Variants in FAM120A observed in about 807,000 individuals in gnomAD.
FAM120A encodes the protein family with sequence similarity 120 member A.
Under a neutral mutation model 109.7 loss-of-function variants are expected in FAM120A, and 15 were observed. The ratio of observed to expected loss-of-function variants is 0.14; its 90% CI spans 0.09 to 0.21. FAM120A has a LOEUF of 0.21. FAM120A is among the 10% of genes least tolerant of loss of function. The pLI is 1.00. For synonymous variants in FAM120A, 493 were observed against 572.8 expected (o/e 0.86, Z 1.99); for missense variants, 899 against 1,439.3 (o/e 0.62, Z 6.07).
At chr9:93,529,249 T>G in intron 8 of FAM120A, 104 bp from the exon 9 acceptor site, 1 of 1,030,370 alleles carries the variant, frequency 9.7e-7, no homozygotes, top group Non-Finnish European at 1.4e-6. Flanking sequence ...GGACTCATCT[T>G]TGTCCCCTCC....
intron 1 of FAM120A, among the ~76,000 whole-genome samples, chr9:93,465,068 G>A (rs1315147377): frequency 6.6e-6 from 1 of 152,158 alleles, no homozygotes; most frequent in African/African-American, 2.4e-5. Flanking sequence ...ACAGGAAGGA[G>A]CTTCAGAAGA....
chr9:93,545,250 G>T (rs182454940), intron 11 of FAM120A, among the ~76,000 whole-genome samples: 1 of 152,162 alleles, frequency 6.6e-6, no homozygotes, highest in Non-Finnish European at 1.5e-5. Flanking sequence ...GAACTTTGCC[G>T]CCCTGGCCCT....
At position 93,527,163 on chromosome 9, in the gene FAM120A, G is replaced by C. The variant is rs1861119163; in HGVS notation, c.1427G>C (p.Ser476Thr). Reference protein sequence around the residue: ...EGSGGATNHISGNKIGWEKTG... With the variant: ...EGSGGATNHITGNKIGWEKTG... ...GTTCATTTTATGTTTAGCCATATCA[G>C]CGGGAACAAGATTGGCTGGGAGAAG... Residue 476 changes from serine to threonine, a missense_variant, in exon 8 of 18, where the codon AGC becomes ACC. By Grantham distance (58) the Ser-to-Thr change is moderately conservative. Transcript: ENST00000277165. 2 of 1,613,998 alleles carry C rather than the reference G, an allele frequency of 1.2e-6. No homozygotes were observed. The highest frequency in any genetic ancestry group is 4.5e-5 in the East Asian group (2 of 44,890).
chr9:93,481,858 C>CA (rs1858825027), intron 3 of FAM120A, among the ~76,000 whole-genome samples: 1 of 152,144 alleles, frequency 6.6e-6, no homozygotes, highest in Non-Finnish European at 1.5e-5. Context: ...TTTCTGACCC[C>CA]ATCAGCTGGT....
chr9:93,508,818 G>T (rs1002792485), intron 5 of FAM120A, among the ~76,000 whole-genome samples: 1 of 152,160 alleles, frequency 6.6e-6, no homozygotes, highest in Non-Finnish European at 1.5e-5. Flanking sequence ...TCCCAGTGTC[G>T]CATTGCTCAA....
At position 93,529,593 on chromosome 9, in the gene FAM120A, G is replaced by A. The variant is rs780598504; in HGVS notation, c.1734+13G>A. On this transcript the variant is annotated intron_variant, in intron 9 of 17. Coordinates refer to ENST00000277165, the MANE Select transcript of FAM120A (RefSeq NM_014612.5). ...TGTCCTGACGAAGGTATTATCAAAG[G>A]GGCCCTGGAGTGGCTTCTGTTATTT... 11 of 1,612,262 alleles carry A rather than the reference G, an allele frequency of 6.8e-6. No individual in the cohort carries two copies. The highest frequency in any genetic ancestry group is 9.3e-6 in the Non-Finnish European group (11 of 1,178,286).
At chr9:93,472,714 T>C (rs1190675533) in intron 2 of FAM120A, among the ~76,000 whole-genome samples, 3 of 152,244 alleles carry the variant, frequency 2.0e-5, no homozygotes, top group African/African-American at 4.8e-5. Context: ...CAACTAGAAA[T>C]TGTAAGGAGT....
At chr9:93,466,570 A>C (rs545181231) in intron 1 of FAM120A, among the ~76,000 whole-genome samples, 1 of 151,882 alleles carries the variant, frequency 6.6e-6, no homozygotes, top group African/African-American at 2.4e-5. Context: ...GGTGCCTGGA[A>C]ACCTTGGTCT....
intron 13 of FAM120A, 45 bp downstream of exon 13, chr9:93,556,636 A>C: frequency 6.5e-7 from 1 of 1,535,750 alleles, no homozygotes; most frequent in East Asian, 2.2e-5. Flanking sequence ...CAATGAAATA[A>C]AGCTCACTGG....
chr9:93,537,094 C>T (rs1485823776), intron 10 of FAM120A, among the ~76,000 whole-genome samples: 3 of 152,180 alleles, frequency 2.0e-5, no homozygotes, highest in Non-Finnish European at 4.4e-5. Flanking sequence ...GAGATGAGTC[C>T]GGGGTCTGAC....
Position 93,471,357 on chromosome 9 carries a change from A to G in FAM120A, c.691A>G (p.Asn231Asp), listed in dbSNP as rs1427900654. The G allele has an allele frequency of 6.2e-7, 1 of 1,614,212 alleles. No individual in the cohort carries two copies. The highest frequency in any genetic ancestry group is 8.5e-7 in the Non-Finnish European group (1 of 1,180,030). ...TGCCAAGCAACTGGACCTGAATCCA[A>G]ATCGTTTTCCTATTTTTGCTGCTCT... Reference protein sequence around the residue: ...EVAKQLDLNPNRFPIFAALLG... With the variant: ...EVAKQLDLNPDRFPIFAALLG... Residue 231 changes from asparagine (N) to aspartate (D), a missense_variant, in exon 2 of 18, where the codon AAT becomes GAT. This residue lies in a region of FAM120A where 258 missense variants were observed against 451.4 expected (regional missense o/e 0.57). Transcript: ENST00000277165.
Position 93,532,372 on chromosome 9 carries a change from C to G in FAM120A, c.1909+43C>G. On this transcript the variant is annotated intron_variant, in intron 10 of 17. Transcript: ENST00000277165. The surrounding 1 kb of genome is among the most constrained non-coding windows in gnomAD (Gnocchi z 4.3). ...CCATTGTTTGTTTTCCTCGGTACCT[C>G]GTAATCTCTTGTGCATTTTCTAAAG... 6.3e-7 allele frequency: 1 copy of G among 1,597,958 alleles called. No homozygotes were observed. Among genetic ancestry groups the G allele is most frequent in the Middle Eastern group, 1.7e-4 (1 of 6,028 alleles).
intron 7 of FAM120A, among the ~76,000 whole-genome samples, chr9:93,525,230 A>G (rs936474960): frequency 6.6e-6 from 1 of 152,132 alleles, no homozygotes; most frequent in Non-Finnish European, 1.5e-5. Context: ...GAACAACACT[A>G]AGGCTTGCAA....
intron 7 of FAM120A, among the ~76,000 whole-genome samples, chr9:93,524,678 G>C (rs1049366069): frequency 6.6e-6 from 1 of 152,178 alleles, no homozygotes; most frequent in Non-Finnish European, 1.5e-5. Flanking sequence ...CCAATAGTTT[G>C]AAATAAGGGT....
chr9:93,525,374 A>G (rs1469825407), intron 7 of FAM120A, among the ~76,000 whole-genome samples: 1 of 152,100 alleles, frequency 6.6e-6, no homozygotes, highest in East Asian at 1.9e-4. Flanking sequence ...TCCTAGGTGC[A>G]TGATCCTCTA....
At position 93,532,737 on chromosome 9, in the gene FAM120A, G is replaced by T. The variant is rs553323044; in HGVS notation, c.1909+408G>T. 2.5e-4 allele frequency: 50 copies of T among 201,470 alleles called. No homozygotes were observed. The highest frequency in any genetic ancestry group is 1.1e-3 in the African/African-American group (47 of 42,702). 12.5% of individuals were successfully genotyped at this position (201,470 alleles called of 1,614,324 possible). The stretch of plus-strand genomic sequence containing the variant: ...GCCAGGGTCCTGGAGAAAACTTCCA[G>T]CAGGTCTCTGGTTGGCCATGTTTGT... On this transcript the variant is annotated intron_variant, in intron 10 of 17. Coordinates refer to ENST00000277165, the MANE Select transcript of FAM120A (RefSeq NM_014612.5). This position sits in a 1 kb window ranked among gnomAD's most constrained non-coding sequence, Gnocchi z 4.3.
At position 93,564,542 on chromosome 9, in the gene FAM120A, C is replaced by T. The variant is rs143176459; in HGVS notation, c.*2C>T. 1.3e-6 allele frequency: 2 copies of T among 1,599,998 alleles called. No homozygotes were observed. The highest frequency in any genetic ancestry group is 1.3e-5 in the African/African-American group (1 of 74,268). On this transcript the variant is annotated 3_prime_UTR_variant, in exon 18 of 18. Transcript: ENST00000277165. Reference sequence around the variant, plus strand: ...GCTGTCTTAAATAAAGAAGAGTAAACTTATTTTTTATAGAGGGTGAAGGAT... The same window carrying T: ...GCTGTCTTAAATAAAGAAGAGTAAATTTATTTTTTATAGAGGGTGAAGGAT...
At chr9:93,528,375 G>C (rs1482009708) in intron 8 of FAM120A, among the ~76,000 whole-genome samples, 1 of 152,200 alleles carries the variant, frequency 6.6e-6, no homozygotes, top group South Asian at 2.1e-4. Context: ...TATGTCTTTA[G>C]GGTGGCATTA....
chr9:93,523,406 T>C (rs944367582), intron 7 of FAM120A: 22 of 971,024 alleles, frequency 2.3e-5, no homozygotes, highest in African/African-American at 5.1e-5. Flanking sequence ...AGTGTAACTG[T>C]AGGTTTTTCT....
Sources: gnomAD v4.1 joint callset for allele counts (sites outside exome capture counted in the v4.1 genomes callset) on GRCh38, gnomAD v4.1.1 for gene constraint, gnomAD v4.1.1 regional missense constraint, Gnocchi (gnomAD v3.1) non-coding constraint, MANE v1.5 for transcripts, NCBI Gene and HGNC (gene_info 2026-07-23, HGNC 2026-07-21) for gene names.